The following NFAT5 variants were observed in gnomAD, a reference collection of about 807,000 sequenced individuals.
The protein encoded by NFAT5 is nuclear factor of activated T cells 5.
Under a neutral mutation model 166.5 loss-of-function variants are expected in NFAT5, and 31 were observed. That is an observed-to-expected ratio of 0.19 (90% CI 0.14 to 0.25). The LOEUF is 0.25. Among genes scored for constraint, NFAT5 ranks in the 10% least tolerant of loss-of-function variants. NFAT5 has a pLI of 1.00. For missense variants in NFAT5, 1,449 were observed against 1,821.8 expected (o/e 0.80, Z 3.72); for synonymous variants, 612 against 639.7 (o/e 0.96, Z 0.65).
chr16:69,682,938 G>C (rs531406323), intron 10 of NFAT5, among the ~76,000 whole-genome samples: 1 of 152,274 alleles, frequency 6.6e-6, no homozygotes, highest in South Asian at 2.1e-4. Context: ...TTGGCTGGGC[G>C]TGGTGGCTCA....
chr16:69,682,143 A>T (rs2037088117), intron 10 of NFAT5, among the ~76,000 whole-genome samples: 1 of 151,506 alleles, frequency 6.6e-6, no homozygotes, highest in Non-Finnish European at 1.5e-5. Context: ...CCTTTGTATT[A>T]TTGATAGTCT....
intron 7 of NFAT5, among the ~76,000 whole-genome samples, chr16:69,668,574 C>T (rs1350174935): frequency 6.6e-6 from 1 of 152,158 alleles, no homozygotes; most frequent in Admixed American, 6.5e-5. Context: ...TTTTGTGCAT[C>T]AGAGTTTCAA....
At chr16:69,619,420 C>G (rs1354189699) in intron 2 of NFAT5, among the ~76,000 whole-genome samples, 1 of 152,178 alleles carries the variant, frequency 6.6e-6, no homozygotes, top group Non-Finnish European at 1.5e-5. Context: ...TTCTACTCCT[C>G]CTGTCTCCCA....
At chr16:69,631,259 C>T (rs951186101) in intron 3 of NFAT5, among the ~76,000 whole-genome samples, 2 of 151,956 alleles carry the variant, frequency 1.3e-5, no homozygotes, top group African/African-American at 2.4e-5. Flanking sequence ...GGTGAAACCC[C>T]GTCTCTACTA....
intron 7 of NFAT5, among the ~76,000 whole-genome samples, chr16:69,664,005 A>G (rs1355550496): frequency 6.6e-6 from 1 of 152,218 alleles, no homozygotes; most frequent in African/African-American, 2.4e-5. Context: ...TGGTTACTCA[A>G]TTAAATATGA....
chr16:69,597,802 C>T (rs1440318642), intron 2 of NFAT5, among the ~76,000 whole-genome samples: 1 of 152,036 alleles, frequency 6.6e-6, no homozygotes, highest in Non-Finnish European at 1.5e-5. Context: ...ACCATGTTAG[C>T]CAGGATGGTC....
chr16:69,683,863 C>T (rs937379389), intron 10 of NFAT5, among the ~76,000 whole-genome samples: 1 of 152,098 alleles, frequency 6.6e-6, no homozygotes, highest in African/African-American at 2.4e-5. Flanking sequence ...CTTTGGGAAG[C>T]CAAGGTGGGC....
At chr16:69,623,104 C>G (rs1170172277) in intron 2 of NFAT5, among the ~76,000 whole-genome samples, 1 of 152,086 alleles carries the variant, frequency 6.6e-6, no homozygotes, top group Non-Finnish European at 1.5e-5. Context: ...AAGATTGCAC[C>G]ATTGCACTCC....
intron 6 of NFAT5, among the ~76,000 whole-genome samples, chr16:69,656,006 C>T (rs2035860200): frequency 2.0e-5 from 3 of 152,140 alleles, no homozygotes; most frequent in African/African-American, 7.2e-5. Flanking sequence ...TTGGGCCAGG[C>T]GCAGTGGCTC....
At chr16:69,668,910 A>G (rs1347659598) in intron 7 of NFAT5, among the ~76,000 whole-genome samples, 2 of 152,002 alleles carry the variant, frequency 1.3e-5, no homozygotes, top group African/African-American at 2.4e-5. Context: ...ACCAATAAGC[A>G]ATCCTTTTCT....
intron 3 of NFAT5, among the ~76,000 whole-genome samples, chr16:69,636,386 C>G (rs960217884): frequency 1.3e-5 from 2 of 152,184 alleles, no homozygotes; most frequent in Non-Finnish European, 2.9e-5. Context: ...GACATTGGCC[C>G]TCTCCTCACA....
Position 69,656,641 on chromosome 16 carries a change from G to A in NFAT5, c.1196+842G>A, listed in dbSNP as rs191889039. 7.2e-5 allele frequency among the ~76,000 whole-genome samples: 11 copies of A among 151,924 alleles called. No homozygotes were observed. In the East Asian group the frequency reaches 9.7e-4, roughly 13 times the overall value. ...CTAATTTTGTATTTTTAGTAGAGTC[G>A]GGGTTTCACCATCTTGGCCAGGCTG... On this transcript the variant is annotated intron_variant, in intron 6 of 14. Transcript: ENST00000349945.
chr16:69,629,365 T>C (rs1208337305), intron 3 of NFAT5, among the ~76,000 whole-genome samples: 1 of 152,200 alleles, frequency 6.6e-6, no homozygotes, highest in Non-Finnish European at 1.5e-5. Flanking sequence ...TTCCTGTTAC[T>C]AAGGGAATAA....
chr16:69,580,390 G>T (rs1418068986), intron 2 of NFAT5, among the ~76,000 whole-genome samples: 1 of 151,850 alleles, frequency 6.6e-6, no homozygotes, highest in Non-Finnish European at 1.5e-5. Context: ...AATTAGCCAG[G>T]CTTGGTGGCG....
intron 7 of NFAT5, among the ~76,000 whole-genome samples, chr16:69,668,687 AT>A (rs1044451401): frequency 2.7e-5 from 4 of 150,464 alleles, no homozygotes; most frequent in Non-Finnish European, 4.4e-5. Flanking sequence ...TTTTATTTTT[AT>A]TTTTTTTTGA....
chr16:69,636,728 C>G (rs2034983213), intron 3 of NFAT5, among the ~76,000 whole-genome samples: 1 of 152,166 alleles, frequency 6.6e-6, no homozygotes, highest in Non-Finnish European at 1.5e-5. Context: ...AGTCCCTAGG[C>G]CACACACAGC....
At chr16:69,687,253 C>T (rs1160496054) in intron 11 of NFAT5, among the ~76,000 whole-genome samples, 1 of 151,834 alleles carries the variant, frequency 6.6e-6, no homozygotes, top group Non-Finnish European at 1.5e-5. Context: ...CCTACCTGGC[C>T]AACATGGCAA....
chr16:69,657,218 C>A lies in NFAT5; in HGVS notation c.1196+1419C>A, dbSNP rs775065440. On this transcript the variant is annotated intron_variant, in intron 6 of 14. Transcript: ENST00000349945. ...CGATCTCGGCTCACTGCAACCTCCA[C>A]CTCCTGGGTTCAAGCGATTCTCCTC... 2.0e-5 allele frequency among the ~76,000 whole-genome samples: 3 copies of A among 151,684 alleles called. No individual in the cohort carries two copies. In the East Asian group the frequency reaches 5.9e-4, roughly 30 times the overall value.
chr16:69,681,003 G>A (rs1199218981), intron 10 of NFAT5, among the ~76,000 whole-genome samples: 3 of 152,026 alleles, frequency 2.0e-5, no homozygotes, highest in Admixed American at 1.3e-4. Context: ...CAAGTGATCC[G>A]CCCGCCTCAG....
Sources: gnomAD v4.1 joint callset for allele counts (sites outside exome capture counted in the v4.1 genomes callset) on GRCh38, gnomAD v4.1.1 for gene constraint, MANE v1.5 for transcripts, NCBI Gene and HGNC (gene_info 2026-07-23, HGNC 2026-07-21) for gene names.